The following ASCC3 variants were observed in gnomAD, a reference collection of about 807,000 sequenced individuals.
ASCC3 encodes the protein activating signal cointegrator 1 complex subunit 3, also known as ASC-1 complex subunit P200.
ASCC3 carries 158 observed loss-of-function variants against 256.3 expected under a neutral mutation model. The ratio of observed to expected loss-of-function variants is 0.62; its 90% confidence interval spans 0.54 to 0.70. The LOEUF is 0.70. ASCC3 is among the 30% of genes least tolerant of loss of function. The pLI, the probability that ASCC3 is intolerant of heterozygous loss-of-function variation, is 0.00. For missense variants in ASCC3, 2,259 were observed against 2,626.0 expected (o/e 0.86, Z 3.05); for synonymous variants, 948 against 883.4 (o/e 1.07, Z -1.30).
At chr6:100,602,407 A>C (rs1406598115) in intron 33 of ASCC3, among the ~76,000 whole-genome samples, 1 of 152,080 alleles carries the variant, frequency 6.6e-6, no homozygotes, top group African/African-American at 2.4e-5. Context: ...GGCACTTATC[A>C]CTACCAATCA....
intron 16 of ASCC3, among the ~76,000 whole-genome samples, chr6:100,660,801 G>T (rs890516964): frequency 6.6e-6 from 1 of 151,562 alleles, no homozygotes; most frequent in Non-Finnish European, 1.5e-5. Context: ...CTGATAGCCT[G>T]GGAGAAACCT....
At chr6:100,616,975 G>A (rs1291573973) in intron 30 of ASCC3, among the ~76,000 whole-genome samples, 2 of 151,950 alleles carry the variant, frequency 1.3e-5, no homozygotes, top group East Asian at 3.9e-4. Context: ...GCAGTATTCT[G>A]AACTTTTTGT....
intron 13 of ASCC3, among the ~76,000 whole-genome samples, chr6:100,697,274 C>T (rs1424902117): frequency 6.6e-6 from 1 of 151,742 alleles, no homozygotes; most frequent in Non-Finnish European, 1.5e-5. Context: ...CAAGGCAAAG[C>T]AACTTGTATT....
chr6:100,595,277 T>C (rs186130181), intron 34 of ASCC3, among the ~76,000 whole-genome samples: 4 of 149,422 alleles, frequency 2.7e-5, no homozygotes, highest in African/African-American at 9.7e-5. Flanking sequence ...CATTTCACAA[T>C]GTACACGTTT....
chr6:100,585,208 C>T (rs1771580343), intron 36 of ASCC3, among the ~76,000 whole-genome samples: 1 of 152,210 alleles, frequency 6.6e-6, no homozygotes, highest in Admixed American at 6.5e-5. Context: ...CCGTCATTTT[C>T]AGGTACACCA....
At chr6:100,525,156 CAAAAAAAAAA>C (rs57882047) in intron 37 of ASCC3, among the ~76,000 whole-genome samples, 1,007 of 45,026 alleles carry the variant, frequency 0.022, 11 homozygotes, top group South Asian at 0.17. Flanking sequence ...GACCCTGTCT[CAAAAAAAAAA>C]AAAAAAAAAA....
intron 7 of ASCC3, among the ~76,000 whole-genome samples, chr6:100,799,183 T>C (rs958551057): frequency 2.0e-5 from 3 of 151,992 alleles, no homozygotes; most frequent in Admixed American, 1.3e-4. Context: ...CTAGCAGCAA[T>C]GCAACTGATA....
intron 1 of ASCC3, among the ~76,000 whole-genome samples, chr6:100,875,969 G>T (rs1178583474): frequency 6.6e-6 from 1 of 152,152 alleles, no homozygotes; most frequent in East Asian, 1.9e-4. Flanking sequence ...TGTGGTTTAA[G>T]AGTTTCTGAA....
chr6:100,840,993 G>C (rs1173121188), intron 4 of ASCC3, among the ~76,000 whole-genome samples: 1 of 151,988 alleles, frequency 6.6e-6, no homozygotes, highest in Admixed American at 6.6e-5. Context: ...GGCTTCATTA[G>C]TAGCCATAAA....
intron 8 of ASCC3, among the ~76,000 whole-genome samples, chr6:100,784,461 C>T (rs1203917951): frequency 2.0e-5 from 3 of 152,050 alleles, no homozygotes; most frequent in East Asian, 1.9e-4. Flanking sequence ...GCTTTAACAT[C>T]ATTTACAATA....
intron 25 of ASCC3, among the ~76,000 whole-genome samples, chr6:100,632,312 A>G (rs550827010): frequency 6.6e-6 from 1 of 152,134 alleles, no homozygotes; most frequent in African/African-American, 2.4e-5. Flanking sequence ...ATTGAAGAGA[A>G]ACTGAAGAAA....
In ASCC3 at chr6:100,509,540, TATAAAA is replaced by T. The variant is rs767871543; in HGVS notation, c.6462-13_6462-8del. 1.5e-5 allele frequency: 24 copies of T among 1,609,408 alleles called. No homozygotes were observed. In the African/African-American group the frequency reaches 3.2e-4, roughly 22 times the overall value. The stretch of plus-strand genomic sequence containing the variant: ...ATATAATGTGTAGATATACCTAAAA[TATAAAA>T]ATAGAAGAAAAATGTAAAACCACTT... On this transcript the variant is annotated splice_region_variant and splice_polypyrimidine_tract_variant and intron_variant, in intron 41 of 41. Coordinates refer to ENST00000369162, the MANE Select transcript of ASCC3 (RefSeq NM_006828.4).
At chr6:100,652,673 G>T in intron 18 of ASCC3, 52 bp downstream of exon 18, 1 of 1,527,022 alleles carries the variant, frequency 6.5e-7, no homozygotes, top group Non-Finnish European at 9.0e-7. Flanking sequence ...ATATTTTGAA[G>T]TCTAGAAAGT....
At chr6:100,734,412 T>C (rs1348877351) in intron 10 of ASCC3, among the ~76,000 whole-genome samples, 1 of 152,176 alleles carries the variant, frequency 6.6e-6, no homozygotes, top group Non-Finnish European at 1.5e-5. Context: ...TAATGTGATG[T>C]AATTATTATA....
At chr6:100,840,461 G>A (rs535047801) in intron 4 of ASCC3, among the ~76,000 whole-genome samples, 1 of 148,528 alleles carries the variant, frequency 6.7e-6, no homozygotes, top group South Asian at 2.1e-4. Flanking sequence ...CCAAGTAGCT[G>A]GGACTATAGG....
intron 10 of ASCC3, among the ~76,000 whole-genome samples, chr6:100,730,236 G>A (rs1779838010): frequency 1.3e-5 from 2 of 152,074 alleles, no homozygotes. Context: ...GTTCCAGGCT[G>A]CGCTGAGCTG....
At chr6:100,813,459 A>G (rs1294071367) in intron 4 of ASCC3, among the ~76,000 whole-genome samples, 1 of 150,884 alleles carries the variant, frequency 6.6e-6, no homozygotes, top group Non-Finnish European at 1.5e-5. Context: ...CTCCATCTCA[A>G]AAAACAACAA....
rs1562161166 is a variant in ASCC3, at chr6:100,608,118, C to CTATATATACATATATATGTATATATAGA, written c.4786-1031_4786-1030insTCTATATATACATATATATGTATATATA. On this transcript the variant is annotated intron_variant, in intron 30 of 41. Transcript: ENST00000369162. The stretch of plus-strand genomic sequence containing the variant: ...TATACACATATATATGTATATATAT[C>CTATATATACATATATATGTATATATAGA]TATATATACATATATATGTATATAT... Among the ~76,000 whole-genome samples the CTATATATACATATATATGTATATATAGA allele has an allele frequency of 5.8e-3, 134 of 23,302 alleles. 2 individuals are homozygous for CTATATATACATATATATGTATATATAGA. Among genetic ancestry groups the CTATATATACATATATATGTATATATAGA allele is most frequent in the South Asian group, 9.1e-3 (6 of 660 alleles). 15.3% of individuals were successfully genotyped at this position (23,302 alleles called of 152,430 possible).
At chr6:100,517,492 C>T (rs894866698) in intron 38 of ASCC3, among the ~76,000 whole-genome samples, 2 of 152,096 alleles carry the variant, frequency 1.3e-5, no homozygotes, top group African/African-American at 4.8e-5. Context: ...ATGAGACTTA[C>T]GGGTTTGGTG....
Sources: allele counts gnomAD v4.1 joint callset (sites outside exome capture counted in the v4.1 genomes callset), GRCh38; gene constraint gnomAD v4.1.1; transcripts MANE v1.5; gene names NCBI Gene and HGNC (gene_info 2026-07-23, HGNC 2026-07-21).